The following PHRF1 variants were observed in gnomAD, a reference collection of about 807,000 sequenced individuals.
The protein encoded by PHRF1 is PHD and RING finger domain-containing protein 1.
In PHRF1, 53 loss-of-function variants were observed where a neutral mutation model predicts 128.9. The ratio of observed to expected loss-of-function variants is 0.41; its 90% CI spans 0.33 to 0.52. PHRF1 has a LOEUF of 0.52. Among genes scored for constraint, PHRF1 ranks in the 20% least tolerant of loss-of-function variants. The pLI, the probability that PHRF1 is intolerant of heterozygous loss-of-function variation, is 0.21. For synonymous variants in PHRF1, 1,178 were observed against 980.6 expected, an observed-to-expected ratio of 1.20 and a Z score of -3.76; for missense variants, 2,503 against 2,284.5, an observed-to-expected ratio of 1.10 and a Z score of -1.95.
At chr11:581,423 C>G in intron 1 of PHRF1, 69 bp from the exon 2 acceptor site, 2 of 1,381,168 alleles carry the variant, frequency 1.4e-6, no homozygotes, top group Non-Finnish European at 2.0e-6. Context: ...GGGGAGAGGT[C>G]ATAACTCTTC....
At chr11:600,553 G>A (rs183474462) in intron 9 of PHRF1, among the ~76,000 whole-genome samples, 4 of 147,664 alleles carry the variant, frequency 2.7e-5, no homozygotes, top group East Asian at 2.0e-4. Flanking sequence ...CTTTGACGCC[G>A]GGCACAGTGG....
chr11:601,028 G>A (rs1180164690), intron 9 of PHRF1, among the ~76,000 whole-genome samples: 1 of 152,230 alleles, frequency 6.6e-6, no homozygotes, highest in Admixed American at 6.5e-5. Flanking sequence ...GCACATGCCT[G>A]TAATCCCAGC....
intron 2 of PHRF1, 101 bp downstream of exon 2, chr11:581,707 T>TC: frequency 8.4e-7 from 1 of 1,197,030 alleles, no homozygotes; most frequent in Non-Finnish European, 1.1e-6. Context: ...CAACTTTCAG[T>TC]CTAAAAAAAT....
rs200089483 is a variant in PHRF1 at position 611,752 on chromosome 11, C to T, written c.4925C>T (p.Pro1642Leu). ...RHKKPEAGEE[P>L]PTQGAEG ...AAGAAACCAGAGGCCGGGGAGGAGC[C>T]GCCCACGCAGGGGGCCGAGGGCTGA... Residue 1642 changes from proline to leucine, a missense_variant, in exon 18 of 18, where the codon CCG becomes CTG. By Grantham distance (98) the Pro-to-Leu change is moderately conservative (BLOSUM62 -3). Coordinates refer to ENST00000264555, the MANE Select transcript of PHRF1 (RefSeq NM_001286581.2). The T allele has an allele frequency of 2.4e-4, 387 of 1,610,692 alleles. 6 individuals carry two copies. The African/African-American group carries it at 2.9e-3, about 12-fold the overall frequency.
chr11:582,743 C>T (rs1330949944), intron 3 of PHRF1, among the ~76,000 whole-genome samples: 1 of 151,708 alleles, frequency 6.6e-6, no homozygotes. Flanking sequence ...CCAGGATGGT[C>T]TCGATCTCCT....
chr11:609,518 G>A lies in PHRF1; in HGVS notation c.4062G>A (p.Lys1354=). 2 of 1,602,340 alleles carry A rather than the reference G, an allele frequency of 1.2e-6. No individual in the cohort carries two copies. The highest frequency in any genetic ancestry group is 8.5e-7 in the Non-Finnish European group (1 of 1,177,370). The change falls in exon 14 of 18, where the codon AAG becomes AAA. Residue 1354 remains lysine (K), a synonymous_variant. Coordinates refer to ENST00000264555, the MANE Select transcript of PHRF1 (RefSeq NM_001286581.2). ...PHLLRPDAAE[K]AEAPSSPDVA... ...TGCTCAGGCCGGACGCGGCTGAGAAGGCTGAGGCACCCAGTTCCCCGGATG... is the reference window on the plus strand; with the variant it reads ...TGCTCAGGCCGGACGCGGCTGAGAAAGCTGAGGCACCCAGTTCCCCGGATG...
intron 9 of PHRF1, among the ~76,000 whole-genome samples, chr11:599,253 C>CTTTTTTTTTTTTTT (rs754658303): frequency 2.9e-5 from 3 of 104,980 alleles, no homozygotes; most frequent in African/African-American, 3.9e-5. Context: ...TTTTTCTTTT[C>CTTTTTTTTTTTTTT]TTTTTTTTTT....
intron 1 of PHRF1, 124 bp from the exon 2 acceptor site, chr11:581,368 C>T (rs1735654750): frequency 2.7e-6 from 2 of 748,634 alleles, no homozygotes; most frequent in African/African-American, 1.8e-5. Context: ...AGGGCTCACT[C>T]TTCACGTGCT....
rs1404056560 is a variant in PHRF1 at position 607,674 on chromosome 11, G to A, written c.2218G>A (p.Glu740Lys). The change falls in exon 14 of 18, where the codon GAG becomes AAG. Residue 740 changes from glutamate (E) to lysine (K), a missense_variant. Physicochemically the swap from Glu to Lys is moderately conservative, Grantham distance 56. Transcript: ENST00000264555. ...CGAGGCCAGCAGCAGGGTGCCCCGG[G>A]AGCCCGGGGTGCACACGGGCAGCTC... ...ESEASSRVPR[E>K]PGVHTGSSRP... 3 of 1,610,202 alleles carry A rather than the reference G, an allele frequency of 1.9e-6. No homozygotes were observed. Among genetic ancestry groups the A allele is most frequent in the South Asian group, 1.1e-5 (1 of 90,952 alleles).
chr11:581,109 CA>C (rs1470601640), intron 1 of PHRF1, among the ~76,000 whole-genome samples: 4 of 150,886 alleles, frequency 2.7e-5, no homozygotes, highest in African/African-American at 2.5e-5. Flanking sequence ...CAGGCGTGAC[CA>C]ATTTTTTTTT....
rs903450211 is a variant in PHRF1 at position 607,900 on chromosome 11, C to T, written c.2444C>T (p.Pro815Leu). 8.7e-6 allele frequency: 14 copies of T among 1,612,598 alleles called. No homozygotes were observed. The highest frequency in any genetic ancestry group is 5.5e-5 in the South Asian group (5 of 91,086). ...DKEQRKENPSPLFSIKKTKQL... is the reference protein window; with the variant it reads ...DKEQRKENPSLLFSIKKTKQL... ...GAGCAGAGGAAGGAGAACCCCTCAC[C>T]CCTCTTCTCCATCAAGAAGACGAAG... is the stretch of plus-strand genomic sequence containing the variant. The change falls in exon 14 of 18, where the codon CCC becomes CTC. Residue 815 changes from proline to leucine, a missense_variant. By Grantham distance (98) the Pro-to-Leu change is moderately conservative (BLOSUM62 -3). Transcript: ENST00000264555.
At chr11:604,663 C>G (rs112119506) in intron 10 of PHRF1, among the ~76,000 whole-genome samples, 1 of 152,002 alleles carries the variant, frequency 6.6e-6, no homozygotes, top group Non-Finnish European at 1.5e-5. Context: ...TACAGGCGTC[C>G]GCCACCAGGC....
intron 10 of PHRF1, among the ~76,000 whole-genome samples, chr11:602,291 G>A (rs1398605370): frequency 6.6e-6 from 1 of 152,154 alleles, no homozygotes; most frequent in Non-Finnish European, 1.5e-5. Context: ...GGAGGGTGGT[G>A]TGTCATTCGT....
chr11:609,374 G>T lies in PHRF1; in HGVS notation c.3918G>T (p.Lys1306Asn), dbSNP rs752674230. The T allele has an allele frequency of 1.2e-6, 2 of 1,611,858 alleles. No individual in the cohort carries two copies. The highest frequency in any genetic ancestry group is 2.7e-5 in the African/African-American group (2 of 75,064). ...CCCCGGAGCGAGACTTCCCACTGAA[G>T]CCTGCGTTGCCCCCAGCCAGCCTGG... Reference protein sequence around the residue: ...DSSPERDFPLKPALPPASLAV... With the variant: ...DSSPERDFPLNPALPPASLAV... Residue 1306 changes from lysine (K) to asparagine (N), a missense_variant, in exon 14 of 18, where the codon AAG (lysine) becomes AAT (asparagine). Physicochemically the swap from Lys to Asn is moderately conservative, Grantham distance 94 (BLOSUM62 0). Coordinates refer to ENST00000264555, the MANE Select transcript of PHRF1 (RefSeq NM_001286581.2).
chr11:584,014 T>TG (rs1290695798), intron 3 of PHRF1, among the ~76,000 whole-genome samples: 4 of 152,328 alleles, frequency 2.6e-5, no homozygotes, highest in Admixed American at 1.3e-4. Context: ...CATAGCCCTG[T>TG]GGTTATCAGG....
rs1163562209 is a variant in PHRF1 at position 609,024 on chromosome 11, C to T, written c.3568C>T (p.His1190Tyr). The T allele has an allele frequency of 1.3e-6, 2 of 1,596,178 alleles. No homozygotes were observed. The highest frequency in any genetic ancestry group is 1.3e-5 in the African/African-American group (1 of 74,610). The change falls in exon 14 of 18, where the codon CAT becomes TAT. Residue 1190 changes from histidine (H) to tyrosine (Y), a missense_variant. His to Tyr is a moderately conservative substitution (Grantham distance 83, BLOSUM62 2). Coordinates refer to ENST00000264555, the MANE Select transcript of PHRF1 (RefSeq NM_001286581.2). Reference sequence around the variant, plus strand: ...TGAGAAGTGGCCGCAGACCCGGTCCCATTCCCCAGAGAGGAAGGGGGCTGT... The same window carrying T: ...TGAGAAGTGGCCGCAGACCCGGTCCTATTCCCCAGAGAGGAAGGGGGCTGT... ...SREKWPQTRS[H>Y]SPERKGAVRE...
Position 598,131 on chromosome 11 carries a change from G to C in PHRF1, c.895-242G>C, listed in dbSNP as rs553996915. On this transcript the variant is annotated intron_variant, in intron 8 of 17. Coordinates refer to ENST00000264555, the MANE Select transcript of PHRF1 (RefSeq NM_001286581.2). ...TGCGCCACCCCCGCCACAGTGACTG[G>C]TGCCCTCTCGTGTGCCCCTGGGATG... Among the ~76,000 whole-genome samples the C allele has an allele frequency of 2.0e-5, 3 of 152,328 alleles. No homozygotes were observed. In the East Asian group the frequency reaches 5.8e-4, roughly 29 times the overall value.
intron 2 of PHRF1, 113 bp downstream of exon 2, chr11:581,719 A>C: frequency 8.8e-7 from 1 of 1,140,998 alleles, no homozygotes; most frequent in Admixed American, 3.1e-5. Context: ...TAAAAAAATT[A>C]TGCTTTGATT....
chr11:607,231 C>A lies in PHRF1; in HGVS notation c.1775C>A (p.Pro592His), dbSNP rs764157930. The change falls in exon 14 of 18, where the codon CCC becomes CAC. Residue 592 changes from proline (P) to histidine (H), a missense_variant. Coordinates refer to ENST00000264555, the MANE Select transcript of PHRF1 (RefSeq NM_001286581.2). Reference protein sequence around the residue: ...GLSCQGRSRTPARTAGAPVRL... With the variant: ...GLSCQGRSRTHARTAGAPVRL... Reference sequence around the variant, plus strand: ...AGCTGTCAAGGCAGGTCCCGCACCCCCGCCCGCACCGCGGGGGCGCCTGTG... The same window carrying A: ...AGCTGTCAAGGCAGGTCCCGCACCCACGCCCGCACCGCGGGGGCGCCTGTG... The A allele has an allele frequency of 1.9e-6, 3 of 1,612,352 alleles. No homozygotes were observed. The highest frequency in any genetic ancestry group is 2.5e-6 in the Non-Finnish European group (3 of 1,179,720).
Sources: gnomAD v4.1 joint callset for allele counts (sites outside exome capture counted in the v4.1 genomes callset) on GRCh38, gnomAD v4.1.1 for gene constraint, MANE v1.5 for transcripts, NCBI Gene and HGNC (gene_info 2026-07-23, HGNC 2026-07-21) for gene names.